Variants in ZNF148 observed in about 807,000 individuals in gnomAD.
ZNF148 encodes the protein Beta-Enolase Repressor Factor-1.
A neutral mutation model predicts 67.7 loss-of-function variants in ZNF148; 7 were observed. The ratio of observed to expected loss-of-function variants is 0.10; its 90% CI spans 0.06 to 0.19. ZNF148 has a LOEUF of 0.19. Ranked by LOEUF, ZNF148 falls within the 10% of genes least tolerant of loss-of-function variation. The pLI is 1.00. For synonymous variants in ZNF148, 333 were observed against 330.7 expected (o/e 1.01, Z -0.08); for missense variants, 583 against 947.1 (o/e 0.62, Z 5.05).
intron 7 of ZNF148, among the ~76,000 whole-genome samples, chr3:125,271,447 C>A (rs956710999): frequency 1.3e-5 from 2 of 152,214 alleles, no homozygotes; most frequent in African/African-American, 2.4e-5. Flanking sequence ...TTTGCCCTTA[C>A]CTGAACAAAA....
At chr3:125,329,775 T>C (rs1941203800) in intron 2 of ZNF148, among the ~76,000 whole-genome samples, 1 of 152,044 alleles carries the variant, frequency 6.6e-6, no homozygotes, top group Non-Finnish European at 1.5e-5. Context: ...AGACAAATTA[T>C]GATATGTCCA....
chr3:125,287,725 C>G (rs1437686818), intron 5 of ZNF148, among the ~76,000 whole-genome samples: 3 of 152,094 alleles, frequency 2.0e-5, no homozygotes, highest in Non-Finnish European at 4.4e-5. Context: ...AAATGAAGTC[C>G]CTGCCCTCAT....
chr3:125,316,436 T>G (rs1166937015), intron 3 of ZNF148, among the ~76,000 whole-genome samples: 1 of 152,214 alleles, frequency 6.6e-6, no homozygotes, highest in Non-Finnish European at 1.5e-5. Context: ...TTCTCCACAG[T>G]GGTTGTACTA....
At chr3:125,236,982 G>A (rs565356994) in intron 7 of ZNF148, among the ~76,000 whole-genome samples, 1 of 152,300 alleles carries the variant, frequency 6.6e-6, no homozygotes, top group South Asian at 2.1e-4. Context: ...AACTAATGAA[G>A]CAATGGAAGC....
intron 5 of ZNF148, among the ~76,000 whole-genome samples, chr3:125,286,612 C>A (rs1412583593): frequency 1.3e-5 from 2 of 152,166 alleles, no homozygotes; most frequent in African/African-American, 2.4e-5. Flanking sequence ...AACTTTCAAA[C>A]AACATAATAA....
At chr3:125,361,297 T>C (rs916431625) in intron 1 of ZNF148, among the ~76,000 whole-genome samples, 1 of 152,056 alleles carries the variant, frequency 6.6e-6, no homozygotes, top group East Asian at 1.9e-4. Flanking sequence ...CACTAAAAAA[T>C]CGCTTGGGAG....
At chr3:125,372,007 T>C (rs914817806) in intron 1 of ZNF148, among the ~76,000 whole-genome samples, 12 of 144,304 alleles carry the variant, frequency 8.3e-5, no homozygotes, top group African/African-American at 2.9e-4. Flanking sequence ...GAGCTTGCAG[T>C]GAGCCGAGAT....
intron 7 of ZNF148, among the ~76,000 whole-genome samples, chr3:125,265,001 CAA>C (rs955374734): frequency 6.6e-6 from 1 of 152,074 alleles, no homozygotes; most frequent in African/African-American, 2.4e-5. Flanking sequence ...ACTCTCAGTT[CAA>C]AAGAGTAATG....
At chr3:125,240,865 A>C (rs1936321425) in intron 7 of ZNF148, among the ~76,000 whole-genome samples, 1 of 152,080 alleles carries the variant, frequency 6.6e-6, no homozygotes, top group African/African-American at 2.4e-5. Context: ...GCTAAAAACA[A>C]TCCTCCTCCC....
At chr3:125,359,815 A>G (rs1356057030) in intron 1 of ZNF148, among the ~76,000 whole-genome samples, 1 of 152,210 alleles carries the variant, frequency 6.6e-6, no homozygotes, top group Non-Finnish European at 1.5e-5. Context: ...TGCTCACTTC[A>G]GCGAGCGCCC....
In ZNF148 at chr3:125,232,497, T is replaced by G; in HGVS notation, c.2229A>C (p.Gly743=). The part of the protein sequence containing the change: ...FRAPYHGSRA[G]IATQFSTANG... ...TGGCAGTGCTAAATTGAGTAGCTAT[T>G]CCAGCTCTTGATCCATGATAGGGAG... Residue 743 remains glycine (G), a synonymous_variant, in exon 9 of 9, where the codon GGA becomes GGC. Coordinates refer to ENST00000360647, the MANE Select transcript of ZNF148 (RefSeq NM_021964.3). The surrounding 1 kb of genome is among the most constrained non-coding windows in gnomAD (Gnocchi z 4.2). 6.2e-7 allele frequency: 1 copy of G among 1,613,692 alleles called. No homozygotes were observed. Among genetic ancestry groups the G allele is most frequent in the African/African-American group, 1.3e-5 (1 of 75,000 alleles).
At chr3:125,287,946 G>T (rs936867168) in intron 5 of ZNF148, among the ~76,000 whole-genome samples, 157 bp downstream of exon 5, 2 of 152,108 alleles carry the variant, frequency 1.3e-5, no homozygotes, top group African/African-American at 4.8e-5. Context: ...AAAATTGAAA[G>T]CAAGGCCCAC....
chr3:125,278,157 G>C (rs557967168), intron 6 of ZNF148, among the ~76,000 whole-genome samples: 7 of 152,140 alleles, frequency 4.6e-5, no homozygotes, highest in African/African-American at 1.7e-4. Flanking sequence ...CTTTTTATCT[G>C]GAAGAAGGTG....
chr3:125,314,227 A>T (rs1940376396), intron 3 of ZNF148, among the ~76,000 whole-genome samples: 1 of 152,190 alleles, frequency 6.6e-6, no homozygotes, highest in Non-Finnish European at 1.5e-5. Context: ...TAATAAAAGT[A>T]TGTATTAGAT....
At chr3:125,239,114 A>G (rs1936230621) in intron 7 of ZNF148, among the ~76,000 whole-genome samples, 1 of 152,212 alleles carries the variant, frequency 6.6e-6, no homozygotes, top group African/African-American at 2.4e-5. Context: ...AGAGGGGAAA[A>G]GAGAGTTATT....
rs1446558694 is a variant in ZNF148, at chr3:125,321,296, G to A, written c.-17+2013C>T. 2.6e-5 allele frequency among the ~76,000 whole-genome samples: 4 copies of A among 151,964 alleles called. No individual in the cohort carries two copies. In the East Asian group the frequency reaches 7.7e-4, roughly 29 times the overall value. ...TCTCTGATCAGTGCTAACAAGAAAG[G>A]ATGTTTAAACAAATATCTATTTCAA... On this transcript the variant is annotated intron_variant, in intron 3 of 8. Transcript: ENST00000360647.
At chr3:125,339,742 G>T (rs1162318808) in intron 1 of ZNF148, among the ~76,000 whole-genome samples, 2 of 152,098 alleles carry the variant, frequency 1.3e-5, no homozygotes, top group African/African-American at 4.8e-5. Flanking sequence ...TATTATGCCT[G>T]TATCAAAATA....
intron 7 of ZNF148, among the ~76,000 whole-genome samples, chr3:125,263,906 T>G (rs1937456699): frequency 6.6e-6 from 1 of 152,190 alleles, no homozygotes; most frequent in South Asian, 2.1e-4. Flanking sequence ...AGCCCCATTC[T>G]CCTCAACCTC....
intron 4 of ZNF148, among the ~76,000 whole-genome samples, chr3:125,290,657 T>C (rs1337546285): frequency 6.6e-6 from 1 of 152,174 alleles, no homozygotes; most frequent in Non-Finnish European, 1.5e-5. Context: ...AAACATTTAC[T>C]GAGATTGTAA....
Sources: allele counts gnomAD v4.1 joint callset (sites outside exome capture counted in the v4.1 genomes callset), GRCh38; gene constraint gnomAD v4.1.1; non-coding constraint Gnocchi (gnomAD v3.1); transcripts MANE v1.5; gene names NCBI Gene and HGNC (gene_info 2026-07-23, HGNC 2026-07-21).